The following FBXO36 variants were observed in gnomAD, a reference collection of about 807,000 sequenced individuals.
FBXO36 encodes the protein F-box only protein 36.
Under a neutral mutation model 17.0 loss-of-function variants are expected in FBXO36, and 18 were observed. The ratio of observed to expected loss-of-function variants is 1.06; its 90% CI spans 0.73 to 1.57. FBXO36 has a LOEUF of 1.57. FBXO36 is among the 40% of genes most tolerant of loss of function. The probability of loss-of-function intolerance (pLI) is 0.00; values close to 1 mark genes in which losing one functional copy is unlikely to be tolerated. For synonymous variants in FBXO36, 83 were observed against 85.3 expected (o/e 0.97, Z 0.15); for missense variants, 229 against 221.9 (o/e 1.03, Z -0.20).
At chr2:229,968,323 T>C (rs1439455476) in intron 1 of FBXO36, among the ~76,000 whole-genome samples, 38 of 152,292 alleles carry the variant, frequency 2.5e-4, no homozygotes, top group East Asian at 1.9e-4. Flanking sequence ...AACTTAAAAC[T>C]CTTATTTTCA....
chr2:229,929,343 C>T (rs1216362900), intron 1 of FBXO36, among the ~76,000 whole-genome samples: 1 of 151,798 alleles, frequency 6.6e-6, no homozygotes, highest in Non-Finnish European at 1.5e-5. Flanking sequence ...GCAGGCAGAT[C>T]ACAAGGTCAG....
intron 2 of FBXO36, among the ~76,000 whole-genome samples, chr2:229,979,851 A>C (rs1284074707): frequency 1.3e-5 from 2 of 152,264 alleles, no homozygotes; most frequent in South Asian, 4.1e-4. Context: ...ATAATGAAAA[A>C]GAGAAGAAAA....
chr2:229,985,428 T>C (rs1252863747), intron 2 of FBXO36, among the ~76,000 whole-genome samples: 1 of 152,196 alleles, frequency 6.6e-6, no homozygotes, highest in East Asian at 1.9e-4. Flanking sequence ...TTTAGACTTA[T>C]ACGTCAGCCT....
chr2:229,967,306 A>T (rs1193514650), intron 1 of FBXO36, among the ~76,000 whole-genome samples: 2 of 152,170 alleles, frequency 1.3e-5, no homozygotes, highest in Non-Finnish European at 2.9e-5. Context: ...CTAGATATAC[A>T]ATCATGTCGT....
chr2:229,932,363 G>C (rs1162220234), intron 1 of FBXO36, among the ~76,000 whole-genome samples: 2 of 151,936 alleles, frequency 1.3e-5, no homozygotes, highest in Non-Finnish European at 2.9e-5. Context: ...TCTACTAAAA[G>C]TACAAAATTA....
intron 1 of FBXO36, chr2:229,923,277 C>T (rs892727476): frequency 1.3e-5 from 2 of 152,208 alleles, no homozygotes; most frequent in Admixed American, 6.5e-5. Flanking sequence ...ATTATATTAT[C>T]TCCAAAGTAA....
intron 1 of FBXO36, among the ~76,000 whole-genome samples, chr2:229,959,616 C>T (rs1037167855): frequency 2.0e-5 from 3 of 152,106 alleles, no homozygotes; most frequent in Admixed American, 6.5e-5. Flanking sequence ...GAGGCCGAGG[C>T]GGGTGGATCA....
chr2:229,971,415 C>G (rs2077179612), intron 1 of FBXO36, among the ~76,000 whole-genome samples: 1 of 151,704 alleles, frequency 6.6e-6, no homozygotes, highest in Admixed American at 6.6e-5. Flanking sequence ...TCTCAGAGTC[C>G]CAGCAGACCT....
At chr2:230,006,030 T>C (rs1346567185) in intron 3 of FBXO36, among the ~76,000 whole-genome samples, 1 of 152,056 alleles carries the variant, frequency 6.6e-6, no homozygotes, top group African/African-American at 2.4e-5. Flanking sequence ...TCTAATTACA[T>C]TTTTTATTTA....
At chr2:229,962,199 A>G (rs1277621182) in intron 1 of FBXO36, among the ~76,000 whole-genome samples, 1 of 151,868 alleles carries the variant, frequency 6.6e-6, no homozygotes. Context: ...ATTAGGTTTT[A>G]TACTCCTTAT....
chr2:229,936,135 G>T (rs958296719), intron 1 of FBXO36, among the ~76,000 whole-genome samples: 1 of 151,936 alleles, frequency 6.6e-6, no homozygotes, highest in African/African-American at 2.4e-5. Flanking sequence ...GTGAACCGAG[G>T]TCACGCACCA....
intron 3 of FBXO36, among the ~76,000 whole-genome samples, chr2:230,006,617 C>T (rs992431067): frequency 3.9e-5 from 6 of 152,078 alleles, no homozygotes; most frequent in Non-Finnish European, 8.8e-5. Flanking sequence ...CGTGTCCCTG[C>T]CTTTAAGGAG....
At chr2:229,977,358 G>A (rs139695956) in intron 2 of FBXO36, among the ~76,000 whole-genome samples, 1,746 of 152,124 alleles carry the variant, frequency 0.011, 32 homozygotes, top group African/African-American at 0.038. Flanking sequence ...CACTGGAGAC[G>A]TCTAAGCCCA....
At chr2:229,922,872 G>A (rs1240387590) in intron 1 of FBXO36, among the ~76,000 whole-genome samples, 2 of 152,172 alleles carry the variant, frequency 1.3e-5, no homozygotes, top group African/African-American at 2.4e-5. Flanking sequence ...CCGCCACCCC[G>A]GCTTCTTACC....
intron 1 of FBXO36, among the ~76,000 whole-genome samples, chr2:229,932,079 C>T (rs2076941457): frequency 6.6e-6 from 1 of 151,970 alleles, no homozygotes; most frequent in Non-Finnish European, 1.5e-5. Context: ...CCACCATGCC[C>T]AGCTAAGAAA....
At chr2:229,939,211 G>T (rs903727411) in intron 1 of FBXO36, 12 of 984,768 alleles carry the variant, frequency 1.2e-5, no homozygotes, top group Middle Eastern at 1.0e-3. Flanking sequence ...GAGCCACCGC[G>T]CCCGGCCCAA....
At chr2:230,000,851 C>CTTT (rs71049612) in intron 3 of FBXO36, among the ~76,000 whole-genome samples, 24 of 89,474 alleles carry the variant, frequency 2.7e-4, no homozygotes, top group African/African-American at 6.6e-4. Flanking sequence ...AACCACTTTT[C>CTTT]TTTTTTTTTT....
At chr2:229,966,229 T>G (rs2077152124) in intron 1 of FBXO36, among the ~76,000 whole-genome samples, 1 of 152,220 alleles carries the variant, frequency 6.6e-6, no homozygotes, top group Non-Finnish European at 1.5e-5. Flanking sequence ...TGGGGTTGTT[T>G]GTTTTTTTCT....
At chr2:229,977,148 A>T (rs1218426712) in intron 2 of FBXO36, 1 of 152,150 alleles carries the variant, frequency 6.6e-6, no homozygotes, top group Admixed American at 6.6e-5. Context: ...TCTATATTTA[A>T]AAAACATTTT....
Sources: allele counts gnomAD v4.1 joint callset (sites outside exome capture counted in the v4.1 genomes callset), GRCh38; gene constraint gnomAD v4.1.1; transcripts MANE v1.5; gene names NCBI Gene and HGNC (gene_info 2026-07-23, HGNC 2026-07-21).